Variants in ABL2 observed in about 807,000 individuals in gnomAD.
The protein encoded by ABL2 is tyrosine-protein kinase ABL2.
A neutral mutation model predicts 107.7 loss-of-function variants in ABL2; 49 were observed. The ratio of observed to expected loss-of-function variants is 0.45; its 90% CI spans 0.36 to 0.58. The LOEUF (loss-of-function observed/expected upper bound fraction) is 0.58. Ranked by LOEUF, ABL2 falls within the 20% of genes least tolerant of loss-of-function variation. ABL2 has a pLI of 0.00. For missense variants in ABL2, 1,245 were observed against 1,457.0 expected (o/e 0.85, Z 2.37); for synonymous variants, 549 against 548.6 (o/e 1.00, Z -0.01).
intron 1 of ABL2, among the ~76,000 whole-genome samples, chr1:179,198,998 T>C (rs1201911602): frequency 2.0e-5 from 3 of 151,840 alleles, no homozygotes; most frequent in African/African-American, 7.3e-5. Flanking sequence ...CACACCACCA[T>C]GCCCAGCTAA....
chr1:179,194,279 TA>T (rs1317820656), intron 1 of ABL2, among the ~76,000 whole-genome samples: 1 of 152,194 alleles, frequency 6.6e-6, no homozygotes, highest in East Asian at 1.9e-4. Flanking sequence ...AGCACGAATT[TA>T]GTAAGTGAAA....
rs1455603615 is a variant in ABL2, at chr1:179,126,581, G to A, written c.483C>T (p.Tyr161=). ...TTTCCAGGCTGTTCACTGGGGTGAT[G>A]TAGTTGCTTGGCACCCAGCCCTGCC... The part of the protein sequence containing the change: ...KNGQGWVPSN[Y]ITPVNSLEKH... The change falls in exon 4 of 12, where the codon TAC becomes TAT. Residue 161 remains tyrosine, a synonymous_variant. Transcript: ENST00000502732. This position sits in a 1 kb window ranked among gnomAD's most constrained non-coding sequence, Gnocchi z 4.4. The A allele has an allele frequency of 2.5e-6, 4 of 1,614,058 alleles. No homozygotes were observed. The highest frequency in any genetic ancestry group is 1.7e-6 in the Non-Finnish European group (2 of 1,180,048).
intron 1 of ABL2, among the ~76,000 whole-genome samples, chr1:179,144,170 T>C (rs1657828024): frequency 6.6e-6 from 1 of 151,890 alleles, no homozygotes; most frequent in African/African-American, 2.4e-5. Flanking sequence ...TTAAAGAGCG[T>C]TTGTAGGCCA....
intron 9 of ABL2, 141 bp downstream of exon 9, chr1:179,114,737 G>T: frequency 6.1e-6 from 5 of 823,170 alleles, no homozygotes; most frequent in Non-Finnish European, 8.7e-6. Context: ...ATGACAACTG[G>T]CTGATCAATG....
In ABL2 at chr1:179,126,465, C is replaced by G; in HGVS notation, c.599G>C (p.Ser200Thr). 6.2e-7 allele frequency: 1 copy of G among 1,614,212 alleles called. No homozygotes were observed. The highest frequency in any genetic ancestry group is 8.5e-7 in the Non-Finnish European group (1 of 1,180,048). Reference sequence around the variant, plus strand: ...GGACAGCTGCCCAGGGCTACTCTCACTTTCTCGCACCAGGAAGCTGCCATT... The same window carrying G: ...GGACAGCTGCCCAGGGCTACTCTCAGTTTCTCGCACCAGGAAGCTGCCATT... ...LINGSFLVRE[S>T]ESSPGQLSIS... Residue 200 changes from serine to threonine, a missense_variant, in exon 4 of 12, where the codon AGT becomes ACT. Around this residue, in one of 3 missense-constraint regions of ABL2, gnomAD observed 320 missense variants for 547.0 expected, o/e 0.59. Coordinates refer to ENST00000502732, the MANE Select transcript of ABL2 (RefSeq NM_007314.4). This position sits in a 1 kb window ranked among gnomAD's most constrained non-coding sequence, Gnocchi z 4.4.
At chr1:179,155,827 C>T (rs980591646) in intron 1 of ABL2, among the ~76,000 whole-genome samples, 2 of 151,852 alleles carry the variant, frequency 1.3e-5, no homozygotes, top group African/African-American at 4.8e-5. Flanking sequence ...GGACAATTTC[C>T]ATCTCTTCTT....
intron 1 of ABL2, among the ~76,000 whole-genome samples, chr1:179,227,820 T>C (rs1663303116): frequency 6.6e-6 from 1 of 151,182 alleles, no homozygotes; most frequent in African/African-American, 2.4e-5. Context: ...TGGGAGGCTG[T>C]GGCGGGTGGA....
chr1:179,151,738 GATTTA>G, intron 1 of ABL2, among the ~76,000 whole-genome samples: 1 of 151,996 alleles, frequency 6.6e-6, no homozygotes, highest in African/African-American at 2.4e-5. Flanking sequence ...ATAATTCATT[GATTTA>G]ATTTAATTCA....
intron 1 of ABL2, among the ~76,000 whole-genome samples, chr1:179,137,418 A>C (rs1381251358): frequency 6.6e-6 from 1 of 152,136 alleles, no homozygotes; most frequent in Non-Finnish European, 1.5e-5. Context: ...TACATAATCC[A>C]CACTTATAAA....
At chr1:179,211,718 G>A (rs1346752845) in intron 1 of ABL2, among the ~76,000 whole-genome samples, 3 of 150,304 alleles carry the variant, frequency 2.0e-5, no homozygotes, top group Non-Finnish European at 4.4e-5. Flanking sequence ...TCAACACTGC[G>A]AACCCGGGTG....
chr1:179,185,196 G>C (rs545073970), intron 1 of ABL2, among the ~76,000 whole-genome samples: 16 of 152,346 alleles, frequency 1.1e-4, no homozygotes, highest in African/African-American at 3.8e-4. Context: ...AATGGGGTTA[G>C]AGAAGGTCAG....
chr1:179,112,950 C>T (rs1322743233), intron 9 of ABL2, among the ~76,000 whole-genome samples: 3 of 152,092 alleles, frequency 2.0e-5, no homozygotes, highest in Non-Finnish European at 2.9e-5. Flanking sequence ...ACAGGGGTTT[C>T]GCCATGTTGG....
intron 1 of ABL2, among the ~76,000 whole-genome samples, chr1:179,204,436 G>A (rs1661842000): frequency 6.6e-6 from 1 of 152,004 alleles, no homozygotes; most frequent in African/African-American, 2.4e-5. Flanking sequence ...CTCCCACCCA[G>A]CAAGGAACCT....
rs1039961766 is a variant in ABL2, at chr1:179,105,436, C to T, written c.*2282G>A. The T allele has an allele frequency of 8.7e-6, 2 of 230,984 alleles. No homozygotes were observed. The highest frequency in any genetic ancestry group is 1.7e-5 in the Non-Finnish European group (2 of 116,698). 14.3% of individuals were successfully genotyped at this position (230,984 alleles called of 1,614,324 possible). A position where few individuals can be genotyped will look rare whatever the true frequency, so the allele number is the denominator to read the frequency against. On this transcript the variant is annotated 3_prime_UTR_variant, in exon 12 of 12. Coordinates refer to ENST00000502732, the MANE Select transcript of ABL2 (RefSeq NM_007314.4). Reference sequence around the variant, plus strand: ...TCTACAGTTTTAGCTTTCCCATCCTCGACCTTAAAAGGCTAGCTGCTAAAA... The same window carrying T: ...TCTACAGTTTTAGCTTTCCCATCCTTGACCTTAAAAGGCTAGCTGCTAAAA...
At chr1:179,168,208 A>T (rs1659506184) in intron 1 of ABL2, among the ~76,000 whole-genome samples, 1 of 152,214 alleles carries the variant, frequency 6.6e-6, no homozygotes, top group Non-Finnish European at 1.5e-5. Context: ...CGGTTTCCAC[A>T]GGGACCCCTA....
intron 3 of ABL2, among the ~76,000 whole-genome samples, chr1:179,129,466 A>C (rs1431913063): frequency 1.3e-5 from 2 of 152,124 alleles, no homozygotes; most frequent in African/African-American, 2.4e-5. Flanking sequence ...GGTGGATCAC[A>C]GGTCAGGAGT....
chr1:179,114,749 T>C (rs1332164463), intron 9 of ABL2, 129 bp downstream of exon 9: 1 of 961,326 alleles, frequency 1.0e-6, no homozygotes, highest in African/African-American at 1.7e-5. Context: ...TGATCAATGA[T>C]AAACTCTTTA....
At chr1:179,207,168 CTTT>C (rs573654560) in intron 1 of ABL2, among the ~76,000 whole-genome samples, 1 of 141,734 alleles carries the variant, frequency 7.1e-6, no homozygotes, top group Non-Finnish European at 1.5e-5. Flanking sequence ...TCTTTTCTTT[CTTT>C]TTTTTTTTTT....
At chr1:179,156,431 T>A (rs1001924814) in intron 1 of ABL2, among the ~76,000 whole-genome samples, 4 of 152,360 alleles carry the variant, frequency 2.6e-5, no homozygotes, top group Non-Finnish European at 5.9e-5. Context: ...CTAATATAGT[T>A]TTGTTGTTGC....
Sources: gnomAD v4.1 joint callset for allele counts (sites outside exome capture counted in the v4.1 genomes callset) on GRCh38, gnomAD v4.1.1 for gene constraint, gnomAD v4.1.1 regional missense constraint, Gnocchi (gnomAD v3.1) non-coding constraint, MANE v1.5 for transcripts, NCBI Gene and HGNC (gene_info 2026-07-23, HGNC 2026-07-21) for gene names.